Variants in LRRC37A2 observed in about 807,000 individuals in gnomAD.
The protein encoded by LRRC37A2 is leucine-rich repeat-containing protein 37A2.
A neutral mutation model predicts 68.8 loss-of-function variants in LRRC37A2; 9 were observed. The observed-to-expected ratio is 0.13, with a 90% confidence interval of 0.08 to 0.23. The LOEUF is 0.23. LRRC37A2 is among the 10% of genes least tolerant of loss of function. LRRC37A2 has a pLI of 1.00. For synonymous variants in LRRC37A2, 63 were observed against 367.6 expected (o/e 0.17, Z 9.48); for missense variants, 168 against 950.4 (o/e 0.18, Z 10.82).
At chr17:46,750,731 G>A in the LRRC37A2 span, among the ~76,000 whole-genome samples, 4 of 152,070 alleles carry the variant, frequency 2.6e-5, no homozygotes, top group African/African-American at 7.2e-5. Flanking sequence ...TGAATGGGTG[G>A]TGGTGTGGGG....
chr17:46,895,019 C>T, the LRRC37A2 span, among the ~76,000 whole-genome samples: 4 of 152,320 alleles, frequency 2.6e-5, no homozygotes, highest in East Asian at 1.9e-4. Context: ...GAGAGCCGGC[C>T]GGATCTCGGC....
the LRRC37A2 span, among the ~76,000 whole-genome samples, chr17:46,766,899 G>A: frequency 6.6e-6 from 1 of 152,120 alleles, no homozygotes; most frequent in African/African-American, 2.4e-5. Context: ...CCCTGTCCTC[G>A]GTGTCCTTTC....
At chr17:46,946,078 A>G in the LRRC37A2 span, among the ~76,000 whole-genome samples, 1 of 151,954 alleles carries the variant, frequency 6.6e-6, no homozygotes, top group Non-Finnish European at 1.5e-5. Context: ...AGCTGTGGCC[A>G]CCTCCTTAGG....
At chr17:46,929,574 G>T in the LRRC37A2 span, 1 of 1,512,514 alleles carries the variant, frequency 6.6e-7, no homozygotes, top group Non-Finnish European at 9.2e-7. Context: ...CAGACAAGCA[G>T]TCTGTGCACA....
At chr17:46,876,736 C>A in the LRRC37A2 span, 1 of 1,523,686 alleles carries the variant, frequency 6.6e-7, no homozygotes, top group Non-Finnish European at 8.8e-7. Flanking sequence ...GCCCAGCAAG[C>A]CAGTCTGGCA....
At chr17:46,953,460 GGGTTGGTTCCAGGTCTTTGCTATTGTGA>G in the LRRC37A2 span, among the ~76,000 whole-genome samples, 1 of 152,164 alleles carries the variant, frequency 6.6e-6, no homozygotes, top group Non-Finnish European at 1.5e-5. Flanking sequence ...TTGGACATTT[GGGTTGGTTCCAGGTCTTTGCTATTGTGA>G]ATAGTGCCGC....
chr17:46,908,048 C>A, the LRRC37A2 span, among the ~76,000 whole-genome samples: 1 of 152,068 alleles, frequency 6.6e-6, no homozygotes, highest in Non-Finnish European at 1.5e-5. Flanking sequence ...TCTAATCCCC[C>A]AATGGTGGAA....
At chr17:46,525,695 A>G (rs2052649371) in intron 6 of LRRC37A2, among the ~76,000 whole-genome samples, 1 of 117,758 alleles carries the variant, frequency 8.5e-6, no homozygotes, top group Non-Finnish European at 1.9e-5. Context: ...AAAACACTGG[A>G]ATCACAGTTG....
the LRRC37A2 span, among the ~76,000 whole-genome samples, chr17:46,972,784 G>A: frequency 3.3e-5 from 5 of 152,084 alleles, no homozygotes; most frequent in Admixed American, 2.6e-4. Context: ...TCAATCTCCC[G>A]TGTGGACGAG....
chr17:46,944,586 C>G, the LRRC37A2 span, among the ~76,000 whole-genome samples: 9 of 151,374 alleles, frequency 5.9e-5, no homozygotes, highest in Non-Finnish European at 1.2e-4. Flanking sequence ...ACAGTGGGGC[C>G]TGGGCTTCAG....
the LRRC37A2 span, among the ~76,000 whole-genome samples, chr17:46,748,588 G>A: frequency 6.6e-6 from 1 of 152,166 alleles, no homozygotes; most frequent in African/African-American, 2.4e-5. Context: ...GAAAAGGAAG[G>A]CTGGGATACA....
the LRRC37A2 span, among the ~76,000 whole-genome samples, chr17:46,919,257 A>G: frequency 0.088 from 13,422 of 152,290 alleles, 815 homozygotes; most frequent in Non-Finnish European, 0.13. Flanking sequence ...ACGTTCTAGT[A>G]AAATGAAGGA....
At chr17:46,812,425 T>C in the LRRC37A2 span, among the ~76,000 whole-genome samples, 4 of 151,902 alleles carry the variant, frequency 2.6e-5, no homozygotes, top group Non-Finnish European at 5.9e-5. Flanking sequence ...CTGAATCATC[T>C]CTCAGCTCCT....
chr17:46,942,237 A>G, the LRRC37A2 span, among the ~76,000 whole-genome samples: 3,760 of 152,328 alleles, frequency 0.025, 67 homozygotes, highest in Middle Eastern at 0.085. Flanking sequence ...TTACTGTCTC[A>G]ACCGGGGGGT....
the LRRC37A2 span, among the ~76,000 whole-genome samples, chr17:46,814,247 C>T: frequency 6.6e-6 from 1 of 152,220 alleles, no homozygotes; most frequent in African/African-American, 2.4e-5. Context: ...GAGAGCGTCC[C>T]CTTCCCCCAT....
At chr17:46,966,093 TCTC>T in the LRRC37A2 span, among the ~76,000 whole-genome samples, 120 of 152,308 alleles carry the variant, frequency 7.9e-4, no homozygotes, top group African/African-American at 2.7e-3. Flanking sequence ...GGATCATTTC[TCTC>T]CTCCTCATCT....
the LRRC37A2 span, chr17:47,018,504 G>A: frequency 5.9e-6 from 9 of 1,522,068 alleles, no homozygotes; most frequent in Non-Finnish European, 8.2e-6. Context: ...CCACCAGCAG[G>A]CTACAGCTCA....
chr17:46,993,355 C>T, the LRRC37A2 span, among the ~76,000 whole-genome samples: 7 of 152,242 alleles, frequency 4.6e-5, no homozygotes, highest in Non-Finnish European at 8.8e-5. Flanking sequence ...GCCTCCAAGC[C>T]TCAGGCTCCT....
At chr17:46,496,914 CG>C in the LRRC37A2 span, among the ~76,000 whole-genome samples, 1 of 132,734 alleles carries the variant, frequency 7.5e-6, no homozygotes, top group Non-Finnish European at 1.7e-5. Context: ...GACTCCATCT[CG>C]GGGAAAAAAA....
Sources: gnomAD v4.1 joint callset for allele counts (sites outside exome capture counted in the v4.1 genomes callset) on GRCh38, gnomAD v4.1.1 for gene constraint, MANE v1.5 for transcripts, NCBI Gene and HGNC (gene_info 2026-07-23, HGNC 2026-07-21) for gene names.